The following INPP4B variants were observed in gnomAD, a reference collection of about 807,000 sequenced individuals.
INPP4B encodes inositol polyphosphate-4-phosphatase type II B, also known as inositol polyphosphate 4-phosphatase type II.
A neutral mutation model predicts 122.5 loss-of-function variants in INPP4B; 55 were observed. The ratio of observed to expected loss-of-function variants is 0.45; its 90% CI spans 0.36 to 0.56. The LOEUF (loss-of-function observed/expected upper bound fraction) is 0.56. INPP4B is among the 20% of genes least tolerant of loss of function. The pLI, the probability that INPP4B is intolerant of heterozygous loss-of-function variation, is 0.00. For synonymous variants in INPP4B, 403 were observed against 388.7 expected (o/e 1.04, Z -0.43); for missense variants, 1,000 against 1,097.7 (o/e 0.91, Z 1.26).
intron 23 of INPP4B, among the ~76,000 whole-genome samples, chr4:142,093,524 T>C (rs1780484053): frequency 6.6e-6 from 1 of 152,178 alleles, no homozygotes; most frequent in Admixed American, 6.6e-5. Flanking sequence ...GAACACTGCT[T>C]TCACTGCCTA....
intron 2 of INPP4B, among the ~76,000 whole-genome samples, chr4:142,563,485 T>G (rs928395559): frequency 7.2e-5 from 11 of 152,216 alleles, no homozygotes; most frequent in Admixed American, 7.2e-4. Context: ...GGCCTATCTA[T>G]AAGGCAATAG....
intron 11 of INPP4B, 44 bp from the exon 12 acceptor site, chr4:142,238,055 G>T: frequency 1.0e-6 from 1 of 994,696 alleles, no homozygotes; most frequent in Non-Finnish European, 1.5e-6. Flanking sequence ...CTAAGCAAAT[G>T]CATGTCAGGT....
At chr4:142,156,103 C>T (rs547075992) in intron 17 of INPP4B, among the ~76,000 whole-genome samples, 52 of 151,496 alleles carry the variant, frequency 3.4e-4, no homozygotes, top group South Asian at 2.9e-3. Context: ...GCTGAAATGC[C>T]GCTTGATGCA....
chr4:142,540,215 C>A (rs1828773439), intron 2 of INPP4B, among the ~76,000 whole-genome samples: 1 of 152,012 alleles, frequency 6.6e-6, no homozygotes, highest in African/African-American at 2.4e-5. Flanking sequence ...AAAGTGGAGA[C>A]CTTGAATAAT....
intron 2 of INPP4B, among the ~76,000 whole-genome samples, chr4:142,463,319 G>A (rs562945973): frequency 4.6e-5 from 7 of 152,112 alleles, no homozygotes; most frequent in Non-Finnish European, 7.4e-5. Context: ...ACCCAGTGCC[G>A]CATGCTTATG....
intron 2 of INPP4B, among the ~76,000 whole-genome samples, chr4:142,535,567 A>G (rs755342500): frequency 2.6e-5 from 4 of 152,050 alleles, no homozygotes; most frequent in Non-Finnish European, 5.9e-5. Flanking sequence ...GCTATAGCGA[A>G]TCTCTCACAT....
intron 15 of INPP4B, among the ~76,000 whole-genome samples, chr4:142,189,454 G>A (rs759558562): frequency 2.6e-5 from 4 of 151,946 alleles, no homozygotes; most frequent in Admixed American, 6.6e-5. Context: ...TTACAGAAAC[G>A]GCATACAAGA....
intron 5 of INPP4B, chr4:142,427,263 C>A (rs1250161998): frequency 6.4e-6 from 2 of 313,510 alleles, no homozygotes; most frequent in Non-Finnish European, 1.1e-5. Context: ...ATCAACAATA[C>A]AGTTCCATGA....
At chr4:142,077,603 G>C (rs1366219722) in intron 25 of INPP4B, among the ~76,000 whole-genome samples, 1 of 151,724 alleles carries the variant, frequency 6.6e-6, no homozygotes, top group Non-Finnish European at 1.5e-5. Context: ...AATGCTTTCT[G>C]CAAATGCATT....
rs374620154 is a variant in INPP4B, at chr4:142,176,040, G to A, written c.1182-2231C>T. The stretch of plus-strand genomic sequence containing the variant: ...TCTTATGGCTATTTACAGGCTCCCC[G>A]TGGCTTAGCCTTTGGAAAGCTAGAA... On this transcript the variant is annotated intron_variant, in intron 15 of 25. Transcript: ENST00000262992. Among the ~76,000 whole-genome samples the A allele has an allele frequency of 2.3e-4, 35 of 151,570 alleles. No individual in the cohort carries two copies. In the East Asian group the frequency reaches 2.5e-3, roughly 11 times the overall value.
At chr4:142,528,050 A>C (rs1256387123) in intron 2 of INPP4B, among the ~76,000 whole-genome samples, 2 of 152,120 alleles carry the variant, frequency 1.3e-5, no homozygotes, top group Non-Finnish European at 2.9e-5. Context: ...TTGATGAAAC[A>C]ATAAAATTAT....
At chr4:142,044,943 G>T (rs1326652456) in intron 25 of INPP4B, among the ~76,000 whole-genome samples, 1 of 152,136 alleles carries the variant, frequency 6.6e-6, no homozygotes, top group Non-Finnish European at 1.5e-5. Context: ...ACGTAGGAAA[G>T]TAACCCAGTT....
At chr4:142,801,134 A>G (rs997500199) in intron 1 of INPP4B, among the ~76,000 whole-genome samples, 2 of 152,166 alleles carry the variant, frequency 1.3e-5, no homozygotes, top group African/African-American at 2.4e-5. Context: ...AGAACAGGAT[A>G]GTTGCAAAAT....
chr4:142,744,051 A>G (rs1171204359), intron 1 of INPP4B, among the ~76,000 whole-genome samples: 1 of 152,002 alleles, frequency 6.6e-6, no homozygotes, highest in African/African-American at 2.4e-5. Flanking sequence ...ACCAAAGAAA[A>G]TGTGTTCATA....
intron 2 of INPP4B, among the ~76,000 whole-genome samples, chr4:142,718,567 A>T (rs1170187324): frequency 6.6e-6 from 1 of 152,302 alleles, no homozygotes; most frequent in East Asian, 1.9e-4. Flanking sequence ...ACATTAAGCT[A>T]GCGCTGTGCC....
At chr4:142,387,989 C>G (rs1402250893) in intron 7 of INPP4B, among the ~76,000 whole-genome samples, 1 of 152,220 alleles carries the variant, frequency 6.6e-6, no homozygotes. Context: ...GGAATGAAAA[C>G]TATCTGGTTA....
intron 2 of INPP4B, among the ~76,000 whole-genome samples, chr4:142,530,767 T>C (rs1468990916): frequency 3.3e-5 from 5 of 151,998 alleles, no homozygotes; most frequent in Non-Finnish European, 7.4e-5. Flanking sequence ...AGGAAGTACA[T>C]TCAGGCATTG....
At chr4:142,401,476 C>T (rs983427126) in intron 7 of INPP4B, among the ~76,000 whole-genome samples, 1 of 152,054 alleles carries the variant, frequency 6.6e-6, no homozygotes, top group Non-Finnish European at 1.5e-5. Flanking sequence ...TAATAAACAG[C>T]AAATGTAGGG....
intron 2 of INPP4B, among the ~76,000 whole-genome samples, chr4:142,550,267 G>A (rs1352553004): frequency 1.3e-5 from 2 of 152,226 alleles, no homozygotes; most frequent in East Asian, 1.9e-4. Context: ...ATTCTTTCCT[G>A]TAGTGCCAGA....
Sources: gnomAD v4.1 joint callset for allele counts (sites outside exome capture counted in the v4.1 genomes callset) on GRCh38, gnomAD v4.1.1 for gene constraint, MANE v1.5 for transcripts, NCBI Gene and HGNC (gene_info 2026-07-23, HGNC 2026-07-21) for gene names.